Variants in LPP observed in about 807,000 individuals in gnomAD.
The protein encoded by LPP is LIM domain containing preferred translocation partner in lipoma.
In LPP, 38 loss-of-function variants were observed where a neutral mutation model predicts 60.4. That is an observed-to-expected ratio of 0.63 (90% CI 0.49 to 0.83). The LOEUF is 0.83. Among genes scored for constraint, LPP ranks in the 40% least tolerant of loss-of-function variants. The pLI is 0.00. For synonymous variants in LPP, 328 were observed against 290.8 expected (o/e 1.13, Z -1.30); for missense variants, 902 against 783.6 (o/e 1.15, Z -1.80).
At chr3:188,248,529 G>A (rs986194518) in intron 2 of LPP, among the ~76,000 whole-genome samples, 1 of 131,560 alleles carries the variant, frequency 7.6e-6, no homozygotes, top group African/African-American at 2.9e-5. Context: ...GGAATCAGAG[G>A]GCTGAGGGTT....
At chr3:188,730,817 C>T (rs1402449495) in intron 8 of LPP, among the ~76,000 whole-genome samples, 1 of 152,144 alleles carries the variant, frequency 6.6e-6, no homozygotes, top group Non-Finnish European at 1.5e-5. Context: ...GGGGAGAATC[C>T]CCCTTGCTTT....
intron 2 of LPP, among the ~76,000 whole-genome samples, chr3:188,227,181 T>A (rs997152110): frequency 2.0e-4 from 30 of 151,476 alleles, no homozygotes; most frequent in Admixed American, 7.2e-4. Flanking sequence ...TATTTTTATT[T>A]TTTATTTATT....
chr3:188,486,540 G>A (rs1269394041), intron 5 of LPP, among the ~76,000 whole-genome samples: 1 of 152,106 alleles, frequency 6.6e-6, no homozygotes, highest in African/African-American at 2.4e-5. Flanking sequence ...ACTTGAAGAA[G>A]GAGAGGAGGG....
rs979744846 is a variant in LPP, at chr3:188,883,620, C to T, written c.*9141C>T. 5.8e-6 allele frequency: 1 copy of T among 173,390 alleles called. No homozygotes were observed. Among genetic ancestry groups the T allele is most frequent in the African/African-American group, 2.4e-5 (1 of 40,990 alleles). The allele number at this position is 173,390 out of a possible 1,614,324, so 10.7% of individuals were successfully genotyped here. On this transcript the variant is annotated 3_prime_UTR_variant, in exon 12 of 12. Coordinates refer to ENST00000617246, the MANE Select transcript of LPP (RefSeq NM_001375462.1). Reference sequence around the variant, plus strand: ...TGTTGGCGGGCGCCTGTAGTCCCAACTACTTGGGAGGCTGAGGCAGGAGAA... The same window carrying T: ...TGTTGGCGGGCGCCTGTAGTCCCAATTACTTGGGAGGCTGAGGCAGGAGAA...
intron 2 of LPP, among the ~76,000 whole-genome samples, chr3:188,303,502 A>T (rs1750589935): frequency 6.6e-6 from 1 of 152,236 alleles, no homozygotes. Flanking sequence ...TAAAGAGAGT[A>T]CAAAGAACTG....
chr3:188,881,728 A>G lies in LPP; in HGVS notation c.*7249A>G, dbSNP rs1770050025. 1 of 226,114 alleles carries G rather than the reference A, an allele frequency of 4.4e-6. No individual in the cohort carries two copies. The highest frequency in any genetic ancestry group is 2.2e-5 in the African/African-American group (1 of 44,994). The allele number at this position is 226,114 out of a possible 1,614,324, so 14.0% of individuals were successfully genotyped here. A position where few individuals can be genotyped will look rare whatever the true frequency, so the allele number is the denominator to read the frequency against. On this transcript the variant is annotated 3_prime_UTR_variant, in exon 12 of 12. Coordinates refer to ENST00000617246, the MANE Select transcript of LPP (RefSeq NM_001375462.1). ...GAGATTCCCACTTCTGGGTCAGTTC[A>G]TATTCCATTCAACCTTTTCCTTTTA...
intron 2 of LPP, among the ~76,000 whole-genome samples, chr3:188,286,493 A>G (rs940021886): frequency 2.0e-5 from 3 of 152,138 alleles, no homozygotes; most frequent in Non-Finnish European, 2.9e-5. Context: ...ATTCATGGCA[A>G]CTTCTGGAGA....
chr3:188,706,439 A>T (rs991678699), intron 7 of LPP, among the ~76,000 whole-genome samples: 1 of 152,240 alleles, frequency 6.6e-6, no homozygotes, highest in African/African-American at 2.4e-5. Context: ...GACCAGCATA[A>T]AATATTTTTG....
chr3:188,457,728 TAA>T (rs1233519681), intron 4 of LPP, among the ~76,000 whole-genome samples: 3 of 103,432 alleles, frequency 2.9e-5, no homozygotes, highest in Admixed American at 1.1e-4. Context: ...CTGTCTCTAC[TAA>T]AAAAAAAAAA....
intron 3 of LPP, among the ~76,000 whole-genome samples, chr3:188,395,155 T>C (rs1217440614): frequency 6.6e-6 from 1 of 152,230 alleles, no homozygotes; most frequent in Non-Finnish European, 1.5e-5. Flanking sequence ...ATTTTTCTAT[T>C]ATTTGTGGAT....
At chr3:188,324,480 G>A (rs191393156) in intron 2 of LPP, among the ~76,000 whole-genome samples, 1 of 152,172 alleles carries the variant, frequency 6.6e-6, no homozygotes, top group Non-Finnish European at 1.5e-5. Flanking sequence ...CCTGAAGCAT[G>A]AGGCATGTTC....
intron 2 of LPP, among the ~76,000 whole-genome samples, chr3:188,240,614 A>G (rs549002384): frequency 6.6e-6 from 1 of 152,310 alleles, no homozygotes; most frequent in East Asian, 1.9e-4. Context: ...GACCAGCAAC[A>G]TATTTGGGTA....
At chr3:188,264,377 A>C (rs904227745) in intron 2 of LPP, among the ~76,000 whole-genome samples, 2 of 151,796 alleles carry the variant, frequency 1.3e-5, no homozygotes, top group Non-Finnish European at 2.9e-5. Flanking sequence ...AAGTTGAAGA[A>C]AGGCAAGGAG....
intron 3 of LPP, among the ~76,000 whole-genome samples, chr3:188,385,116 A>G (rs1200725245): frequency 6.6e-6 from 1 of 151,776 alleles, no homozygotes; most frequent in Admixed American, 6.6e-5. Context: ...TAACTCCTTG[A>G]TGGAATCTCC....
In LPP at chr3:188,878,245, C is replaced by T. The variant is rs1365161950; in HGVS notation, c.*3766C>T. 1 of 218,728 alleles carries T rather than the reference C, an allele frequency of 4.6e-6. No homozygotes were observed. The allele number at this position is 218,728 out of a possible 1,614,324, so 13.5% of individuals were successfully genotyped here. ...CTTGTCAAATCTGTGTCGGCTGCCC[C>T]CTGATCCTTCCATTATCAAGTTTTG... On this transcript the variant is annotated 3_prime_UTR_variant, in exon 12 of 12. Transcript: ENST00000617246.
At position 188,317,911 on chromosome 3, in the gene LPP, C is replaced by T. The variant is rs375125310; in HGVS notation, c.-66-23752C>T. 1.1e-4 allele frequency among the ~76,000 whole-genome samples: 16 copies of T among 152,222 alleles called. No individual in the cohort carries two copies. The East Asian group carries it at 1.4e-3, about 13-fold the overall frequency. On this transcript the variant is annotated intron_variant, in intron 2 of 11. Transcript: ENST00000617246. Reference sequence around the variant, plus strand: ...GGAGGCTAGAGTGAGGGCATGTGATCGTGGAGTACCGATCTGGAGACAAGA... The same window carrying T: ...GGAGGCTAGAGTGAGGGCATGTGATTGTGGAGTACCGATCTGGAGACAAGA...
chr3:188,688,646 G>A (rs894249164), intron 7 of LPP: 1 of 393,824 alleles, frequency 2.5e-6, no homozygotes. Flanking sequence ...AGTCAGATGA[G>A]TAATATAATT....
At chr3:188,521,193 C>T (rs1378198982) in intron 5 of LPP, among the ~76,000 whole-genome samples, 14 of 152,158 alleles carry the variant, frequency 9.2e-5, no homozygotes, top group Admixed American at 2.0e-4. Flanking sequence ...TCTCACCCCA[C>T]GCTCCCCTGT....
intron 2 of LPP, among the ~76,000 whole-genome samples, chr3:188,238,463 C>G (rs1220360302): frequency 6.6e-6 from 1 of 152,116 alleles, no homozygotes; most frequent in African/African-American, 2.4e-5. Context: ...GCCTTCCTCA[C>G]TAAACTTAAC....
Sources: allele counts gnomAD v4.1 joint callset (sites outside exome capture counted in the v4.1 genomes callset), GRCh38; gene constraint gnomAD v4.1.1; transcripts MANE v1.5; gene names NCBI Gene and HGNC (gene_info 2026-07-23, HGNC 2026-07-21).